CASZ1: variants seen among roughly 807,000 people sequenced by gnomAD.
CASZ1 encodes zinc finger protein castor homolog 1.
In CASZ1, 28 loss-of-function variants were observed where a neutral mutation model predicts 135.2. The observed-to-expected ratio is 0.21, with a 90% CI of 0.15 to 0.28. The LOEUF (loss-of-function observed/expected upper bound fraction) is 0.28. CASZ1 is among the 10% of genes least tolerant of loss of function. The pLI is 1.00. For synonymous variants in CASZ1, 1,068 were observed against 1,073.4 expected (o/e 0.99, Z 0.10); for missense variants, 2,161 against 2,453.3 (o/e 0.88, Z 2.52).
intron 2 of CASZ1, among the ~76,000 whole-genome samples, chr1:10,722,449 G>A (rs752091809): frequency 1.2e-4 from 19 of 152,064 alleles, no homozygotes; most frequent in Non-Finnish European, 2.4e-4. Context: ...TACAGGGCAC[G>A]GACTTAGGGA....
chr1:10,731,100 C>T lies in CASZ1; in HGVS notation c.-76-25556G>A, dbSNP rs148173536. ...CAGCTTGGGCGACAGAGCTAGACTC[C>T]GTCTAAAAAAAAAAATCATATAATG... On this transcript the variant is annotated intron_variant, in intron 2 of 20. Transcript: ENST00000377022. Among the ~76,000 whole-genome samples, 49 of 102,618 alleles carry T rather than the reference C, an allele frequency of 4.8e-4. 1 individual carries two copies. The highest frequency in any genetic ancestry group is 1.5e-3 in the African/African-American group (45 of 30,950). 67.3% of individuals were successfully genotyped at this position (102,618 alleles called of 152,430 possible).
intron 2 of CASZ1, among the ~76,000 whole-genome samples, chr1:10,723,289 G>C (rs552303743): frequency 4.6e-5 from 7 of 152,306 alleles, no homozygotes; most frequent in Admixed American, 2.6e-4. Context: ...ACAGTGAGTG[G>C]GGGCAGGCCT....
At chr1:10,769,289 C>T (rs936959213) in intron 1 of CASZ1, among the ~76,000 whole-genome samples, 1 of 152,168 alleles carries the variant, frequency 6.6e-6, no homozygotes, top group East Asian at 1.9e-4. Flanking sequence ...GGATGCTGTC[C>T]CACACAGCAG....
At position 10,660,717 on chromosome 1, in the gene CASZ1, TA is replaced by T. The variant is rs906977259; in HGVS notation, c.506-182del. ...TTACGACTCTTAAATTAATTTGTTT[TA>T]AAAAAAAGTAATTAATACTGGGGTA... On this transcript the variant is annotated intron_variant, in intron 5 of 20. Coordinates refer to ENST00000377022, the MANE Select transcript of CASZ1 (RefSeq NM_001079843.3). 155 of 572,914 alleles carry T rather than the reference TA, an allele frequency of 2.7e-4. 1 individual carries two copies. Among genetic ancestry groups the T allele is most frequent in the Admixed American group, 6.8e-4 (20 of 29,248 alleles). The allele number at this position is 572,914 out of a possible 1,614,324, so 35.5% of individuals were successfully genotyped here.
chr1:10,664,433 C>T (rs1020285393), intron 5 of CASZ1, among the ~76,000 whole-genome samples: 23 of 152,038 alleles, frequency 1.5e-4, no homozygotes, highest in Admixed American at 5.2e-4. Context: ...CTCAGTGCCT[C>T]GTGGGAGAGA....
At chr1:10,661,919 TCA>T (rs922329974) in intron 5 of CASZ1, among the ~76,000 whole-genome samples, 8 of 146,042 alleles carry the variant, frequency 5.5e-5, no homozygotes, top group Non-Finnish European at 9.0e-5. Flanking sequence ...TCATACACTC[TCA>T]CACACCCACA....
chr1:10,690,794 A>C (rs1638742137), intron 4 of CASZ1, among the ~76,000 whole-genome samples: 1 of 152,196 alleles, frequency 6.6e-6, no homozygotes, highest in Non-Finnish European at 1.5e-5. Context: ...CTTTGTCTCA[A>C]GAAGAGAAGG....
At position 10,648,080 on chromosome 1, in the gene CASZ1, G is replaced by C; in HGVS notation, c.3218C>G (p.Ala1073Gly). ...AKGNTEAAFP[A>G]SAAETKPPMA... Reference sequence around the variant, plus strand: ...GGGAGGTTTGGTCTCGGCGGCCGAGGCCGGAAAGGCAGCCTCTGTGTTTCC... The same window carrying C: ...GGGAGGTTTGGTCTCGGCGGCCGAGCCCGGAAAGGCAGCCTCTGTGTTTCC... Residue 1073 changes from alanine to glycine, a missense_variant, in exon 16 of 21, where the codon GCC (alanine) becomes GGC (glycine). Around this residue, in one of 7 missense-constraint regions of CASZ1, gnomAD observed 349 missense variants for 460.8 expected, o/e 0.76. Transcript: ENST00000377022. 6.3e-7 allele frequency: 1 copy of C among 1,581,276 alleles called. No individual in the cohort carries two copies. The highest frequency in any genetic ancestry group is 2.3e-5 in the East Asian group (1 of 43,720).
At chr1:10,655,061 T>C (rs959987093) in intron 9 of CASZ1, among the ~76,000 whole-genome samples, 2 of 150,432 alleles carry the variant, frequency 1.3e-5, no homozygotes, top group Non-Finnish European at 3.0e-5. Flanking sequence ...GAAGGCAACG[T>C]TGCCATATTG....
Position 10,716,176 on chromosome 1 carries a change from A to C in CASZ1, c.-76-10632T>G, listed in dbSNP as rs572415788. ...CCCAATCCACAACCCACAGCACCCA[A>C]TCCGCTCTCCACAGCACCCAATCTG... On this transcript the variant is annotated intron_variant, in intron 2 of 20. Transcript: ENST00000377022. 4.2e-5 allele frequency among the ~76,000 whole-genome samples: 6 copies of C among 141,898 alleles called. No individual in the cohort carries two copies. The East Asian group carries it at 1.3e-3, about 31-fold the overall frequency. The allele number at this position is 141,898 out of a possible 152,430, so 93.1% of individuals were successfully genotyped here.
rs896978244 is a variant in CASZ1 at position 10,657,394 on chromosome 1, A to G, written c.1410-658T>C. Reference sequence around the variant, plus strand: ...GAGGCCACTCTGGAGAGGCCACACCATGACGACTGTGGAGAAGGGTGTGAC... The same window carrying G: ...GAGGCCACTCTGGAGAGGCCACACCGTGACGACTGTGGAGAAGGGTGTGAC... On this transcript the variant is annotated intron_variant, in intron 7 of 20. Transcript: ENST00000377022. The surrounding 1 kb of genome is among the most constrained non-coding windows in gnomAD (Gnocchi z 5.7). Among the ~76,000 whole-genome samples, 2 of 152,176 alleles carry G rather than the reference A, an allele frequency of 1.3e-5. No homozygotes were observed.
Position 10,651,038 on chromosome 1 carries a change from C to T in CASZ1, c.2719G>A (p.Ala907Thr), listed in dbSNP as rs1323415272. ...TCACCGGGTTCCGGCTTCACTTGGGCCGGGGGGAACCTGGCTGGGGTGACC... is the reference window on the plus strand; with the variant it reads ...TCACCGGGTTCCGGCTTCACTTGGGTCGGGGGGAACCTGGCTGGGGTGACC... ...QQVTPARFPP[A>T]QVKPEPGEST... The change falls in exon 12 of 21, where the codon GCC becomes ACC. Residue 907 changes from alanine to threonine, a missense_variant. Physicochemically the swap from Ala to Thr is moderately conservative, Grantham distance 58. Around this residue, in one of 7 missense-constraint regions of CASZ1, gnomAD observed 406 missense variants for 387.6 expected, o/e 1.05. Transcript: ENST00000377022. 6.4e-7 allele frequency: 1 copy of T among 1,551,912 alleles called. No homozygotes were observed. The highest frequency in any genetic ancestry group is 8.6e-7 in the Non-Finnish European group (1 of 1,157,828).
At chr1:10,670,215 G>C (rs1643359094) in intron 4 of CASZ1, among the ~76,000 whole-genome samples, 2 of 152,206 alleles carry the variant, frequency 1.3e-5, no homozygotes, top group Non-Finnish European at 2.9e-5. Context: ...GTCTGTGCTG[G>C]GTGCCTTACA....
intron 2 of CASZ1, among the ~76,000 whole-genome samples, chr1:10,749,837 C>G (rs1200121570): frequency 6.6e-6 from 1 of 152,172 alleles, no homozygotes; most frequent in African/African-American, 2.4e-5. Context: ...TTATAACCCC[C>G]AACAACCAAG....
At chr1:10,790,164 T>C (rs550824386) in intron 1 of CASZ1, among the ~76,000 whole-genome samples, 14 of 152,308 alleles carry the variant, frequency 9.2e-5, no homozygotes, top group African/African-American at 3.4e-4. Flanking sequence ...CTTCTGGCCA[T>C]CTGGGACTTT....
chr1:10,681,556 G>T (rs1379746304), intron 4 of CASZ1, among the ~76,000 whole-genome samples: 1 of 152,148 alleles, frequency 6.6e-6, no homozygotes, highest in Non-Finnish European at 1.5e-5. Flanking sequence ...CTCTCCCTCT[G>T]TCCTCACTGC....
chr1:10,681,650 A>G (rs1638424670), intron 4 of CASZ1, among the ~76,000 whole-genome samples: 1 of 152,244 alleles, frequency 6.6e-6, no homozygotes, highest in Non-Finnish European at 1.5e-5. Flanking sequence ...CTGGGACGAG[A>G]CCACTGTTTC....
At chr1:10,693,755 C>T in intron 4 of CASZ1, 119 bp downstream of exon 4, 1 of 762,128 alleles carries the variant, frequency 1.3e-6, no homozygotes, top group South Asian at 1.4e-5. Flanking sequence ...GGCAGCCGCC[C>T]GACCCTCCCG....
At position 10,658,546 on chromosome 1, in the gene CASZ1, G is replaced by T. The variant is rs1020656242; in HGVS notation, c.1371C>A (p.Val457=). The change falls in exon 7 of 21, where the codon GTC becomes GTA. Residue 457 remains valine (V), a synonymous_variant. Transcript: ENST00000377022. Reference sequence around the variant, plus strand: ...TCTGGTAAATGTTTACATCTTCAGTGACGGCTGGTTTATCTGTGGGCAGTC... The same window carrying T: ...TCTGGTAAATGTTTACATCTTCAGTTACGGCTGGTTTATCTGTGGGCAGTC... The part of the protein sequence containing the change: ...KNGLPTDKPA[V]TEDVNIYQKY... The T allele has an allele frequency of 1.2e-6, 2 of 1,614,002 alleles. No homozygotes were observed. Among genetic ancestry groups the T allele is most frequent in the Non-Finnish European group, 8.5e-7 (1 of 1,180,010 alleles).
Sources: gnomAD v4.1 joint callset for allele counts (sites outside exome capture counted in the v4.1 genomes callset) on GRCh38, gnomAD v4.1.1 for gene constraint, gnomAD v4.1.1 regional missense constraint, Gnocchi (gnomAD v3.1) non-coding constraint, MANE v1.5 for transcripts, NCBI Gene and HGNC (gene_info 2026-07-23, HGNC 2026-07-21) for gene names.